The following CDH20 variants were observed in gnomAD, a reference collection of about 807,000 sequenced individuals.
The protein encoded by CDH20 is cadherin-20.
A neutral mutation model predicts 74.2 loss-of-function variants in CDH20; 29 were observed. The observed-to-expected ratio is 0.39, with a 90% CI of 0.29 to 0.53. The LOEUF is 0.53. CDH20 is among the 20% of genes least tolerant of loss of function. The pLI is 0.69. For missense variants in CDH20, 988 were observed against 1,048.3 expected (o/e 0.94, Z 0.79); for synonymous variants, 469 against 405.4 (o/e 1.16, Z -1.88).
At chr18:61,378,945 T>C (rs1162518180) in intron 1 of CDH20, among the ~76,000 whole-genome samples, 1 of 152,104 alleles carries the variant, frequency 6.6e-6, no homozygotes, top group Non-Finnish European at 1.5e-5. Context: ...TAAGAAAATA[T>C]TATAATAAAT....
At chr18:61,377,086 C>T (rs1379346362) in intron 1 of CDH20, among the ~76,000 whole-genome samples, 1 of 152,112 alleles carries the variant, frequency 6.6e-6, no homozygotes, top group Non-Finnish European at 1.5e-5. Context: ...GAGTCCCACC[C>T]AGCTTGGAGC....
chr18:61,357,969 G>A (rs547935190), intron 1 of CDH20, among the ~76,000 whole-genome samples: 2 of 151,922 alleles, frequency 1.3e-5, no homozygotes, highest in African/African-American at 4.8e-5. Context: ...TCTCTTCCCC[G>A]AACTGCTGCA....
chr18:61,495,291 A>G (rs1911097274), intron 2 of CDH20, among the ~76,000 whole-genome samples: 1 of 152,222 alleles, frequency 6.6e-6, no homozygotes, highest in African/African-American at 2.4e-5. Flanking sequence ...GTTCTTTGCC[A>G]TTTTTGAAAC....
chr18:61,500,151 C>CAAAAAA (rs1911323105), intron 3 of CDH20, among the ~76,000 whole-genome samples: 2 of 91,208 alleles, frequency 2.2e-5, no homozygotes, highest in Non-Finnish European at 4.6e-5. Flanking sequence ...AAAAAAAAAG[C>CAAAAAA]AATGAAGAGC....
intron 1 of CDH20, among the ~76,000 whole-genome samples, chr18:61,414,461 T>C (rs1381976884): frequency 6.6e-6 from 1 of 152,190 alleles, no homozygotes; most frequent in Non-Finnish European, 1.5e-5. Context: ...TCTAGTTTAA[T>C]TAGATTTTTT....
At chr18:61,362,869 T>C (rs2144138011) in intron 1 of CDH20, among the ~76,000 whole-genome samples, 1 of 152,270 alleles carries the variant, frequency 6.6e-6, no homozygotes, top group East Asian at 1.9e-4. Context: ...TTAATTTACT[T>C]ATCCAAAATT....
Position 61,554,903 on chromosome 18 carries a change from TTTAA to T in CDH20, c.*212_*215del. 1.5e-6 allele frequency: 2 copies of T among 1,378,840 alleles called. No homozygotes were observed. The highest frequency in any genetic ancestry group is 1.9e-6 in the Non-Finnish European group (2 of 1,068,054). 85.4% of individuals were successfully genotyped at this position (1,378,840 alleles called of 1,614,324 possible). On this transcript the variant is annotated 3_prime_UTR_variant, in exon 12 of 12. Coordinates refer to ENST00000262717, the MANE Select transcript of CDH20 (RefSeq NM_031891.4). Reference sequence around the variant, plus strand: ...AACCCAGAAGGAAGAGGGCAGAATCTTTAATTACCTTTTTTTCTTTTCTTTTTGA... The same window carrying T: ...AACCCAGAAGGAAGAGGGCAGAATCTTTACCTTTTTTTCTTTTCTTTTTGA...
chr18:61,388,875 G>A (rs993799574), intron 1 of CDH20, among the ~76,000 whole-genome samples: 1 of 152,112 alleles, frequency 6.6e-6, no homozygotes, highest in African/African-American at 2.4e-5. Context: ...GATAAACTCT[G>A]AACCTTGTTT....
intron 1 of CDH20, among the ~76,000 whole-genome samples, chr18:61,352,168 A>C (rs1334526631): frequency 6.6e-6 from 1 of 152,180 alleles, no homozygotes; most frequent in Non-Finnish European, 1.5e-5. Flanking sequence ...AATGAACTGG[A>C]AACATGAAGA....
chr18:61,454,242 C>T (rs927762990), intron 1 of CDH20, among the ~76,000 whole-genome samples: 15 of 152,064 alleles, frequency 9.9e-5, no homozygotes, highest in African/African-American at 2.7e-4. Flanking sequence ...TCTTTTATCC[C>T]GCTCTGTTAG....
chr18:61,446,507 C>T (rs957034451), intron 1 of CDH20, among the ~76,000 whole-genome samples: 1 of 152,180 alleles, frequency 6.6e-6, no homozygotes, highest in African/African-American at 2.4e-5. Flanking sequence ...AATTTCATGG[C>T]TGCCCTTTCC....
chr18:61,378,513 C>G (rs930337406), intron 1 of CDH20, among the ~76,000 whole-genome samples: 2 of 152,196 alleles, frequency 1.3e-5, no homozygotes, highest in Non-Finnish European at 2.9e-5. Flanking sequence ...AGCTGCTGTA[C>G]TCAGTCTACG....
Position 61,353,471 on chromosome 18 carries a change from T to C in CDH20, c.-153+19644T>C, listed in dbSNP as rs1363617052. Among the ~76,000 whole-genome samples, 1 of 152,248 alleles carries C rather than the reference T, an allele frequency of 6.6e-6. No homozygotes were observed. The highest frequency in any genetic ancestry group is 1.9e-4 in the East Asian group (1 of 5,196). On this transcript the variant is annotated intron_variant, in intron 1 of 11. Transcript: ENST00000262717. The surrounding 1 kb of genome is among the most constrained non-coding windows in gnomAD (Gnocchi z 4.6). ...CTTCATATTGCAATACCAGTACTAA[T>C]CATTTGTCTACTTGTGGTCCTCTTG... is the stretch of plus-strand genomic sequence containing the variant.
chr18:61,386,142 G>T (rs2144191507), intron 1 of CDH20, among the ~76,000 whole-genome samples: 1 of 152,272 alleles, frequency 6.6e-6, no homozygotes, highest in East Asian at 1.9e-4. Context: ...TCTCTGGTCA[G>T]AAATTTATCA....
At chr18:61,394,142 A>G (rs1307314919) in intron 1 of CDH20, among the ~76,000 whole-genome samples, 1 of 152,026 alleles carries the variant, frequency 6.6e-6, no homozygotes, top group African/African-American at 2.4e-5. Context: ...ATTCATTTGT[A>G]TGTTCCCTGC....
At chr18:61,404,310 T>C (rs1912253034) in intron 1 of CDH20, among the ~76,000 whole-genome samples, 1 of 152,196 alleles carries the variant, frequency 6.6e-6, no homozygotes, top group South Asian at 2.1e-4. Context: ...GAGAAAAACA[T>C]GGTTTATTAC....
At chr18:61,540,707 C>T (rs771353061) in intron 9 of CDH20, among the ~76,000 whole-genome samples, 1 of 152,160 alleles carries the variant, frequency 6.6e-6, no homozygotes, top group South Asian at 2.1e-4. Flanking sequence ...CAAACCATAT[C>T]ACTTCACTTC....
rs1415415236 is a variant in CDH20, at chr18:61,499,231, C to T, written c.292C>T (p.Leu98Phe). The change falls in exon 3 of 12, where the codon CTC becomes TTC. Residue 98 changes from leucine to phenylalanine, a missense_variant. Coordinates refer to ENST00000262717, the MANE Select transcript of CDH20 (RefSeq NM_031891.4). ...DRGDGSIKYI[L>F]SGEGAGIVFT... ...GGGAGACGGATCCATCAAATACATCCTCTCGGGAGAAGGTGCTGGCATCGT... is the reference window on the plus strand; with the variant it reads ...GGGAGACGGATCCATCAAATACATCTTCTCGGGAGAAGGTGCTGGCATCGT... 3 of 1,610,246 alleles carry T rather than the reference C, an allele frequency of 1.9e-6. No homozygotes were observed. The highest frequency in any genetic ancestry group is 1.7e-5 in the Admixed American group (1 of 59,586).
chr18:61,490,634 C>G lies in CDH20; in HGVS notation c.81C>G (p.Asp27Glu), dbSNP rs374837740. 1.2e-6 allele frequency: 2 copies of G among 1,613,848 alleles called. No homozygotes were observed. Among genetic ancestry groups the G allele is most frequent in the Admixed American group, 3.3e-5 (2 of 59,974 alleles). Residue 27 changes from aspartate to glutamate, a missense_variant, in exon 2 of 12, where the codon GAC becomes GAG. Asp to Glu is a conservative substitution (Grantham distance 45). This residue lies in a region of CDH20 where 613 missense variants were observed against 755.2 expected (regional missense o/e 0.81). Coordinates refer to ENST00000262717, the MANE Select transcript of CDH20 (RefSeq NM_031891.4). Reference protein sequence around the residue: ...GMSLYFWGLMDLTTTVLSDTP... With the variant: ...GMSLYFWGLMELTTTVLSDTP... The stretch of plus-strand genomic sequence containing the variant: ...CCTTGTACTTCTGGGGGCTGATGGA[C>G]CTTACGACCACCGTTCTCTCGGACA...
Sources: gnomAD v4.1 joint callset for allele counts (sites outside exome capture counted in the v4.1 genomes callset) on GRCh38, gnomAD v4.1.1 for gene constraint, gnomAD v4.1.1 regional missense constraint, Gnocchi (gnomAD v3.1) non-coding constraint, MANE v1.5 for transcripts, NCBI Gene and HGNC (gene_info 2026-07-23, HGNC 2026-07-21) for gene names.